The following TRIM25 variants were observed in gnomAD, a reference collection of about 807,000 sequenced individuals.
The protein encoded by TRIM25 is E3 ubiquitin/ISG15 ligase TRIM25.
TRIM25 carries 45 observed loss-of-function variants against 65.2 expected under a neutral mutation model. That is an observed-to-expected ratio of 0.69 (90% CI 0.54 to 0.89). TRIM25 has a LOEUF of 0.89. TRIM25 is among the 40% of genes least tolerant of loss of function. The pLI, the probability that TRIM25 is intolerant of heterozygous loss-of-function variation, is 0.00. For missense variants in TRIM25, 714 were observed against 803.7 expected (o/e 0.89, Z 1.35); for synonymous variants, 321 against 340.4 (o/e 0.94, Z 0.63).
At chr17:56,899,786 A>G (rs1462870015) in intron 4 of TRIM25, among the ~76,000 whole-genome samples, 1 of 152,222 alleles carries the variant, frequency 6.6e-6, no homozygotes, top group Non-Finnish European at 1.5e-5. Flanking sequence ...AGCGTTGAAG[A>G]AAAATCAGAC....
chr17:56,889,045 C>T lies in TRIM25; in HGVS notation c.*2655G>A, dbSNP rs1302522080. On this transcript the variant is annotated 3_prime_UTR_variant, in exon 9 of 9. Coordinates refer to ENST00000316881, the MANE Select transcript of TRIM25 (RefSeq NM_005082.5). ...AAAAAATATTAAGCTCAAGAAATAACAGCTCAAATACTCCTAACTAATTAA... is the reference window on the plus strand; with the variant it reads ...AAAAAATATTAAGCTCAAGAAATAATAGCTCAAATACTCCTAACTAATTAA... 6.6e-6 allele frequency: 1 copy of T among 152,140 alleles called. No homozygotes were observed. Among genetic ancestry groups the T allele is most frequent in the Non-Finnish European group, 1.5e-5 (1 of 68,028 alleles). The allele number at this position is 152,140 out of a possible 1,614,324, so 9.4% of individuals were successfully genotyped here. A position where few individuals can be genotyped will look rare whatever the true frequency, so the allele number is the denominator to read the frequency against.
chr17:56,899,667 GC>G (rs1225823125), intron 4 of TRIM25, among the ~76,000 whole-genome samples: 1 of 152,198 alleles, frequency 6.6e-6, no homozygotes, highest in Non-Finnish European at 1.5e-5. Context: ...GATTTCAGAA[GC>G]CCTTCTGCAA....
intron 2 of TRIM25, among the ~76,000 whole-genome samples, chr17:56,906,399 A>C (rs1340514570): frequency 6.6e-6 from 1 of 152,272 alleles, no homozygotes; most frequent in Admixed American, 6.5e-5. Context: ...AGCAGAAAAC[A>C]GACTAAGACA....
At chr17:56,906,413 G>A (rs569301466) in intron 2 of TRIM25, among the ~76,000 whole-genome samples, 430 of 152,204 alleles carry the variant, frequency 2.8e-3, no homozygotes, top group Non-Finnish European at 5.5e-3. Context: ...TAAGACAATA[G>A]CTCAGAATCA....
At chr17:56,904,583 CT>C in intron 2 of TRIM25, 95 bp from the exon 3 acceptor site, 1 of 1,109,370 alleles carries the variant, frequency 9.0e-7, no homozygotes, top group Non-Finnish European at 1.3e-6. Flanking sequence ...TCCAGGAACT[CT>C]TACCTGTACT....
Position 56,913,851 on chromosome 17 carries a change from C to T in TRIM25, c.138G>A (p.Ser46=). 2 of 1,560,490 alleles carry T rather than the reference C, an allele frequency of 1.3e-6. No individual in the cohort carries two copies. Among genetic ancestry groups the T allele is most frequent in the Non-Finnish European group, 1.7e-6 (2 of 1,152,878 alleles). ...CGCGGCACTGCGGGCACAGGTATGG[C>T]GAGCCCTGGACTGCCCACGTCTCAT... ...CLNETWAVQG[S]PYLCPQCRAV... is the part of the protein sequence containing the mutation. Residue 46 remains serine (S), a synonymous_variant, in exon 1 of 9, where the codon TCG becomes TCA. Coordinates refer to ENST00000316881, the MANE Select transcript of TRIM25 (RefSeq NM_005082.5). The surrounding 1 kb of genome is among the most constrained non-coding windows in gnomAD (Gnocchi z 6.1).
intron 5 of TRIM25, among the ~76,000 whole-genome samples, chr17:56,898,519 C>G (rs540049418): frequency 6.6e-6 from 1 of 152,214 alleles, no homozygotes; most frequent in Admixed American, 6.5e-5. Flanking sequence ...GGATAGTACC[C>G]CTAGGAGGGC....
intron 5 of TRIM25, among the ~76,000 whole-genome samples, chr17:56,897,820 T>A (rs1909323439): frequency 6.6e-6 from 1 of 152,136 alleles, no homozygotes. Context: ...ACAGTACCTT[T>A]CCACTTCCTC....
rs762390277 is a variant in TRIM25 at position 56,913,847 on chromosome 17, A to T, written c.142T>A (p.Tyr48Asn). The change falls in exon 1 of 9, where the codon TAC becomes AAC. Residue 48 changes from tyrosine (Y) to asparagine (N), a missense_variant. Around this residue, in one of 3 missense-constraint regions of TRIM25, gnomAD observed 291 missense variants for 281.8 expected, o/e 1.03. Transcript: ENST00000316881. The surrounding 1 kb of genome is among the most constrained non-coding windows in gnomAD (Gnocchi z 6.1). Reference protein sequence around the residue: ...NETWAVQGSPYLCPQCRAVYQ... With the variant: ...NETWAVQGSPNLCPQCRAVYQ... ...ACGGCGCGGCACTGCGGGCACAGGTATGGCGAGCCCTGGACTGCCCACGTC... is the reference window on the plus strand; with the variant it reads ...ACGGCGCGGCACTGCGGGCACAGGTTTGGCGAGCCCTGGACTGCCCACGTC... 5 of 1,561,552 alleles carry T rather than the reference A, an allele frequency of 3.2e-6. No individual in the cohort carries two copies. In the East Asian group the frequency reaches 1.2e-4, roughly 37 times the overall value.
At chr17:56,903,818 T>C (rs1909463621) in intron 3 of TRIM25, among the ~76,000 whole-genome samples, 2 of 152,224 alleles carry the variant, frequency 1.3e-5, no homozygotes, top group Non-Finnish European at 2.9e-5. Context: ...GAAATTCTCA[T>C]GCTGGCCTTG....
rs1909125325 is a variant in TRIM25 at position 56,889,570 on chromosome 17, C to G, written c.*2130G>C. ...CAATTTACAACTCCAAAGCACCTTGCACAGAGCTTGGCTTTGGTTACCTAC... is the reference window on the plus strand; with the variant it reads ...CAATTTACAACTCCAAAGCACCTTGGACAGAGCTTGGCTTTGGTTACCTAC... On this transcript the variant is annotated 3_prime_UTR_variant, in exon 9 of 9. Coordinates refer to ENST00000316881, the MANE Select transcript of TRIM25 (RefSeq NM_005082.5). The G allele has an allele frequency of 7.6e-6, 3 of 393,870 alleles. No individual in the cohort carries two copies. Among genetic ancestry groups the G allele is most frequent in the African/African-American group, 4.1e-5 (2 of 48,634 alleles). 24.4% of individuals were successfully genotyped at this position (393,870 alleles called of 1,614,324 possible).
intron 6 of TRIM25, 150 bp from the exon 7 acceptor site, chr17:56,895,754 C>T: frequency 8.6e-7 from 1 of 1,166,538 alleles, no homozygotes; most frequent in Non-Finnish European, 1.2e-6. Context: ...CCTTATTCAT[C>T]TCACTTATGC....
In TRIM25 at chr17:56,906,775, G is replaced by A. The variant is rs205491; in HGVS notation, c.693+1693C>T. Among the ~76,000 whole-genome samples, 160 of 152,346 alleles carry A rather than the reference G, an allele frequency of 1.1e-3. No individual in the cohort carries two copies. In the South Asian group the frequency reaches 0.011, roughly 11 times the overall value. Reference sequence around the variant, plus strand: ...CTCCCAAAGTGCTGGGATTACAGGCGTGAGCCATTGCGCCCAGCCTTCTTT... The same window carrying A: ...CTCCCAAAGTGCTGGGATTACAGGCATGAGCCATTGCGCCCAGCCTTCTTT... On this transcript the variant is annotated intron_variant, in intron 2 of 8. Coordinates refer to ENST00000316881, the MANE Select transcript of TRIM25 (RefSeq NM_005082.5).
chr17:56,892,376 T>A, intron 8 of TRIM25, 147 bp from the exon 9 acceptor site: 1 of 813,718 alleles, frequency 1.2e-6, no homozygotes, highest in South Asian at 1.8e-5. Flanking sequence ...CATCTATCCA[T>A]CTGTCTGTCT....
In TRIM25 at chr17:56,890,792, G is replaced by A. The variant is rs1220062471; in HGVS notation, c.*908C>T. On this transcript the variant is annotated 3_prime_UTR_variant, in exon 9 of 9. Transcript: ENST00000316881. ...ACTCTAACACGAGCAAACCCACCAG[G>A]CTTCTGTTGATCCAGGGCAGCATCC... is the stretch of plus-strand genomic sequence containing the variant. 2.2e-6 allele frequency: 1 copy of A among 456,476 alleles called. No homozygotes were observed. The highest frequency in any genetic ancestry group is 7.0e-5 in the East Asian group (1 of 14,364). 28.3% of individuals were successfully genotyped at this position (456,476 alleles called of 1,614,324 possible).
Position 56,892,209 on chromosome 17 carries a change from C to T in TRIM25, c.1384G>A (p.Asp462Asn). Residue 462 changes from aspartate to asparagine, a missense_variant, in exon 9 of 9, where the codon GAC (aspartate) becomes AAC (asparagine). Asp to Asn is a conservative substitution (Grantham distance 23, BLOSUM62 1). Coordinates refer to ENST00000316881, the MANE Select transcript of TRIM25 (RefSeq NM_005082.5). ...LLEYYIKVIL[D>N]YNTAHNKVAL... ...ACTTTGTTGTGGGCGGTGTTGTAGT[C>T]CAGGATGACTTTAATGTAATCTGAG... 1 of 1,600,412 alleles carries T rather than the reference C, an allele frequency of 6.2e-7. No individual in the cohort carries two copies. Among genetic ancestry groups the T allele is most frequent in the Non-Finnish European group, 8.5e-7 (1 of 1,170,206 alleles).
intron 8 of TRIM25, among the ~76,000 whole-genome samples, chr17:56,894,873 AG>A (rs2144349591): frequency 6.6e-6 from 1 of 152,328 alleles, no homozygotes; most frequent in Non-Finnish European, 1.5e-5. Context: ...CCCCTTCTAC[AG>A]TGTCTGTCTT....
Position 56,891,205 on chromosome 17 carries a change from C to A in TRIM25, c.*495G>T. 2.9e-6 allele frequency: 1 copy of A among 343,614 alleles called. No homozygotes were observed. Among genetic ancestry groups the A allele is most frequent in the Non-Finnish European group, 5.7e-6 (1 of 173,930 alleles). 21.3% of individuals were successfully genotyped at this position (343,614 alleles called of 1,614,324 possible). A position where few individuals can be genotyped will look rare whatever the true frequency, so the allele number is the denominator to read the frequency against. ...TAATAACCAGGAGATCAAGCCCCAA[C>A]ATGCGGGTAATGGAGTTTATGTAAC... On this transcript the variant is annotated 3_prime_UTR_variant, in exon 9 of 9. Transcript: ENST00000316881.
chr17:56,909,653 C>G (rs1461222061), intron 1 of TRIM25, among the ~76,000 whole-genome samples: 1 of 148,836 alleles, frequency 6.7e-6, no homozygotes, highest in Admixed American at 6.7e-5. Context: ...TCACTGCACT[C>G]CAGCCTGGGT....
Sources: allele counts gnomAD v4.1 joint callset (sites outside exome capture counted in the v4.1 genomes callset), GRCh38; gene constraint gnomAD v4.1.1; regional missense constraint gnomAD v4.1.1; non-coding constraint Gnocchi (gnomAD v3.1); transcripts MANE v1.5; gene names NCBI Gene and HGNC (gene_info 2026-07-23, HGNC 2026-07-21).